The following DYNC2H1 variants were observed in gnomAD, a reference collection of about 807,000 sequenced individuals.
DYNC2H1 encodes the protein cytoplasmic dynein 2 heavy chain 1.
DYNC2H1 carries 410 observed loss-of-function variants against 570.0 expected under a neutral mutation model. The ratio of observed to expected loss-of-function variants is 0.72; its 90% CI spans 0.66 to 0.78. The LOEUF is 0.78. Among genes scored for constraint, DYNC2H1 ranks in the 30% least tolerant of loss-of-function variants. The pLI, the probability that DYNC2H1 is intolerant of heterozygous loss-of-function variation, is 0.00. For missense variants in DYNC2H1, 4,865 were observed against 5,046.4 expected (o/e 0.96, Z 1.09); for synonymous variants, 1,688 against 1,677.6 (o/e 1.01, Z -0.15).
rs1022282826 is a variant in DYNC2H1, at chr11:103,139,372, C to G, written c.2574+3424C>G. Among the ~76,000 whole-genome samples, 71 of 151,938 alleles carry G rather than the reference C, an allele frequency of 4.7e-4. 1 individual carries two copies. Among genetic ancestry groups the G allele is most frequent in the Non-Finnish European group, 7.4e-4 (50 of 67,918 alleles). Reference sequence around the variant, plus strand: ...ATTTAGTGCTATAAATTTCCCTGTACACACTGCTTTGAATGTGTCCCAGAG... The same window carrying G: ...ATTTAGTGCTATAAATTTCCCTGTAGACACTGCTTTGAATGTGTCCCAGAG... On this transcript the variant is annotated intron_variant, in intron 17 of 88. Coordinates refer to ENST00000375735, the MANE Select transcript of DYNC2H1 (RefSeq NM_001377.3).
intron 31 of DYNC2H1, among the ~76,000 whole-genome samples, chr11:103,166,425 C>T (rs1013858453): frequency 2.0e-5 from 3 of 152,006 alleles, no homozygotes; most frequent in African/African-American, 7.2e-5. Flanking sequence ...CATTTGTTGC[C>T]CTTCCTTTAT....
intron 80 of DYNC2H1, among the ~76,000 whole-genome samples, chr11:103,320,218 A>T (rs892588945): frequency 1.2e-4 from 18 of 152,206 alleles, no homozygotes; most frequent in African/African-American, 4.3e-4. Flanking sequence ...CTCCTGACCA[A>T]CATGGTGAAA....
rs147798277 is a variant in DYNC2H1, at chr11:103,179,339, C to G, written c.6347+106C>G. 8.9e-5 allele frequency: 90 copies of G among 1,008,850 alleles called. No individual in the cohort carries two copies. The African/African-American group carries it at 1.4e-3, about 15-fold the overall frequency. 62.5% of individuals were successfully genotyped at this position (1,008,850 alleles called of 1,614,324 possible). On this transcript the variant is annotated intron_variant, in intron 39 of 88. Transcript: ENST00000375735. ...GTGTGAATAATGAATACATATTTTT[C>G]CCATTTATGATTAACTTCTTTTTTG... is the stretch of plus-strand genomic sequence containing the variant.
chr11:103,325,761 C>T lies in DYNC2H1; in HGVS notation c.12039+1771C>T, dbSNP rs970866523. 1.3e-5 allele frequency among the ~76,000 whole-genome samples: 2 copies of T among 152,090 alleles called. No homozygotes were observed. Among genetic ancestry groups the T allele is most frequent in the Admixed American group, 6.5e-5 (1 of 15,276 alleles). On this transcript the variant is annotated intron_variant, in intron 82 of 88. Transcript: ENST00000375735. The surrounding 1 kb of genome is among the most constrained non-coding windows in gnomAD (Gnocchi z 4.8). ...ACTGGATACCTTGGATTCTTTGGAT[C>T]GGATTTCAACTTTCTCCTGAATTTT...
In DYNC2H1 at chr11:103,199,296, T is replaced by C. The variant is rs562895681; in HGVS notation, c.7908T>C (p.Tyr2636=). 8 of 1,610,850 alleles carry C rather than the reference T, an allele frequency of 5.0e-6. No individual in the cohort carries two copies. Among genetic ancestry groups the C allele is most frequent in the African/African-American group, 1.3e-5 (1 of 74,826 alleles). ...TACTTTTCCACGAAGTCTTGGAGTA[T>C]ATGTCTAGGATAGATAGAGTGCTGA... The part of the protein sequence containing the change: ...DILLFHEVLE[Y]MSRIDRVLSF... Residue 2636 remains tyrosine, a synonymous_variant, in exon 49 of 89, where the codon TAT becomes TAC. Transcript: ENST00000375735. The surrounding 1 kb of genome is among the most constrained non-coding windows in gnomAD (Gnocchi z 4.6).
rs566136997 is a variant in DYNC2H1 at position 103,383,575 on chromosome 11, G to A, written c.12157-16088G>A. On this transcript the variant is annotated intron_variant, in intron 83 of 88. Coordinates refer to ENST00000375735, the MANE Select transcript of DYNC2H1 (RefSeq NM_001377.3). ...TGCAAGCTCTGCCTCCCGCGTTCACGCCATTCTCCTGCCTCAGCCTCCCGA... is the reference window on the plus strand; with the variant it reads ...TGCAAGCTCTGCCTCCCGCGTTCACACCATTCTCCTGCCTCAGCCTCCCGA... 5.9e-5 allele frequency among the ~76,000 whole-genome samples: 9 copies of A among 151,854 alleles called. No homozygotes were observed. The East Asian group carries it at 9.7e-4, about 16-fold the overall frequency.
chr11:103,372,555 C>A (rs1437683270), intron 83 of DYNC2H1, among the ~76,000 whole-genome samples: 1 of 152,162 alleles, frequency 6.6e-6, no homozygotes, highest in African/African-American at 2.4e-5. Flanking sequence ...TTGAACCATC[C>A]TTGCATCCCT....
intron 85 of DYNC2H1, among the ~76,000 whole-genome samples, chr11:103,442,976 T>TTTC (rs1281531403): frequency 2.0e-5 from 3 of 151,898 alleles, no homozygotes; most frequent in Non-Finnish European, 4.4e-5. Flanking sequence ...GCCCTTTTTT[T>TTTC]TTTTTTGCCA....
intron 83 of DYNC2H1, among the ~76,000 whole-genome samples, chr11:103,394,062 T>C (rs2671368): frequency 0.67 from 102,097 of 151,954 alleles, 34,424 homozygotes; most frequent in Admixed American, 0.73. Context: ...CCTTCTCTTT[T>C]AGCCTTGGCT....
intron 87 of DYNC2H1, among the ~76,000 whole-genome samples, chr11:103,468,067 C>T (rs1410741584): frequency 6.6e-6 from 1 of 151,802 alleles, no homozygotes; most frequent in African/African-American, 2.4e-5. Context: ...TTTTCATTTT[C>T]AGGATTTCTT....
chr11:103,160,550 G>A (rs1421702142), intron 28 of DYNC2H1, among the ~76,000 whole-genome samples: 1 of 151,988 alleles, frequency 6.6e-6, no homozygotes, highest in East Asian at 1.9e-4. Context: ...TGTGAGTTAG[G>A]ACAATTCTTA....
intron 59 of DYNC2H1, among the ~76,000 whole-genome samples, chr11:103,226,967 T>C (rs1449190491): frequency 6.6e-6 from 1 of 152,200 alleles, no homozygotes; most frequent in Non-Finnish European, 1.5e-5. Context: ...TTTTCTAGTT[T>C]ATGTGCATAA....
intron 77 of DYNC2H1, among the ~76,000 whole-genome samples, chr11:103,307,067 A>C (rs980775015): frequency 6.6e-6 from 1 of 152,204 alleles, no homozygotes; most frequent in Non-Finnish European, 1.5e-5. Context: ...TTGACAGATA[A>C]GTAATAATTT....
chr11:103,314,746 A>G (rs1222163628), intron 79 of DYNC2H1, among the ~76,000 whole-genome samples: 1 of 151,908 alleles, frequency 6.6e-6, no homozygotes, highest in African/African-American at 2.4e-5. Context: ...ATATATACCT[A>G]TGACATGGTC....
At chr11:103,148,807 T>G (rs1431508797) in intron 20 of DYNC2H1, among the ~76,000 whole-genome samples, 190 bp downstream of exon 20, 1 of 151,978 alleles carries the variant, frequency 6.6e-6, no homozygotes, top group African/African-American at 2.4e-5. Context: ...GCCTGTAATC[T>G]CAGTACTTTG....
intron 70 of DYNC2H1, among the ~76,000 whole-genome samples, chr11:103,265,734 G>C (rs1047467490): frequency 6.6e-6 from 1 of 152,176 alleles, no homozygotes; most frequent in African/African-American, 2.4e-5. Context: ...GAGGAAAGAA[G>C]GCACTCTGGC....
intron 6 of DYNC2H1, among the ~76,000 whole-genome samples, chr11:103,118,810 C>T (rs1365641349): frequency 6.6e-6 from 1 of 152,098 alleles, no homozygotes; most frequent in Non-Finnish European, 1.5e-5. Context: ...TCTCACCTTG[C>T]TATATCAGGA....
At chr11:103,322,040 A>G (rs1938232149) in intron 81 of DYNC2H1, among the ~76,000 whole-genome samples, 1 of 152,160 alleles carries the variant, frequency 6.6e-6, no homozygotes, top group Non-Finnish European at 1.5e-5. Flanking sequence ...AAAAATCACT[A>G]TTAAATATAT....
chr11:103,412,392 A>C (rs979363432), intron 84 of DYNC2H1, among the ~76,000 whole-genome samples: 6 of 152,300 alleles, frequency 3.9e-5, no homozygotes, highest in African/African-American at 1.4e-4. Flanking sequence ...AATATTGTAA[A>C]ATAGTTATCT....
Sources: allele counts gnomAD v4.1 joint callset (sites outside exome capture counted in the v4.1 genomes callset), GRCh38; gene constraint gnomAD v4.1.1; non-coding constraint Gnocchi (gnomAD v3.1); transcripts MANE v1.5; gene names NCBI Gene and HGNC (gene_info 2026-07-23, HGNC 2026-07-21).